Variants in STIM1 observed in about 807,000 individuals in gnomAD.
The protein encoded by STIM1 is stromal interaction molecule 1.
In STIM1, 25 loss-of-function variants were observed where a neutral mutation model predicts 74.7. The ratio of observed to expected loss-of-function variants is 0.33; its 90% CI spans 0.24 to 0.47. The LOEUF is 0.47. Ranked by LOEUF, STIM1 falls within the 20% of genes least tolerant of loss-of-function variation. STIM1 has a pLI of 1.00. For synonymous variants in STIM1, 328 were observed against 348.8 expected, an observed-to-expected ratio of 0.94 and a Z score of 0.66; for missense variants, 728 against 920.8, an observed-to-expected ratio of 0.79 and a Z score of 2.71.
In STIM1 at chr11:3,869,258, C is replaced by T. The variant is rs921556840; in HGVS notation, c.139+12849C>T. Among the ~76,000 whole-genome samples, 89 of 152,318 alleles carry T rather than the reference C, an allele frequency of 5.8e-4. 1 individual carries two copies. The highest frequency in any genetic ancestry group is 1.3e-4 in the Admixed American group (2 of 15,300). The stretch of plus-strand genomic sequence containing the variant: ...TGCTAGGTTTATAGGCGTGAGCCAC[C>T]GCACCTGGCCTGAGTACTATTCTTT... On this transcript the variant is annotated intron_variant, in intron 1 of 12. Coordinates refer to ENST00000526596, the MANE Select transcript of STIM1 (RefSeq NM_001382567.1).
chr11:3,908,819 G>A (rs540927171), intron 1 of STIM1, among the ~76,000 whole-genome samples: 12 of 152,230 alleles, frequency 7.9e-5, no homozygotes, highest in Admixed American at 2.6e-4. Flanking sequence ...TTCCTGAACT[G>A]GACATTGCTC....
At chr11:4,052,276 C>CA (rs1565160966) in intron 3 of STIM1, among the ~76,000 whole-genome samples, 1 of 151,980 alleles carries the variant, frequency 6.6e-6, no homozygotes, top group South Asian at 2.1e-4. Flanking sequence ...CATATGGAAC[C>CA]AAAAAAGAGC....
At chr11:3,878,435 G>C (rs2091376771) in intron 1 of STIM1, among the ~76,000 whole-genome samples, 1 of 152,018 alleles carries the variant, frequency 6.6e-6, no homozygotes, top group Non-Finnish European at 1.5e-5. Context: ...TTTATCATGT[G>C]CCTGAAAAGC....
At position 3,976,520 on chromosome 11, in the gene STIM1, G is replaced by T. The variant is rs185883160; in HGVS notation, c.270+8838G>T. Among the ~76,000 whole-genome samples the T allele has an allele frequency of 2.0e-5, 3 of 152,260 alleles. No homozygotes were observed. The East Asian group carries it at 5.8e-4, about 29-fold the overall frequency. ...TGTATTAAAACTCATGGAACTATGC[G>T]CCAAAAAGTTAAATTTCATCATATG... On this transcript the variant is annotated intron_variant, in intron 2 of 12. Transcript: ENST00000526596.
intron 2 of STIM1, among the ~76,000 whole-genome samples, chr11:4,012,601 T>A (rs961037044): frequency 2.0e-5 from 3 of 152,356 alleles, no homozygotes; most frequent in African/African-American, 7.2e-5. Context: ...CTGAAGTTGC[T>A]TATCAGTTTA....
chr11:3,964,266 T>C (rs1435038256), intron 1 of STIM1, among the ~76,000 whole-genome samples: 3 of 152,214 alleles, frequency 2.0e-5, no homozygotes, highest in Non-Finnish European at 4.4e-5. Context: ...CTTGCCAGAT[T>C]GGAATGCGTA....
chr11:3,994,285 C>G (rs573927168), intron 2 of STIM1, among the ~76,000 whole-genome samples: 4 of 152,244 alleles, frequency 2.6e-5, no homozygotes, highest in Non-Finnish European at 5.9e-5. Context: ...TGCTTTCAAA[C>G]TTTCTCATTG....
intron 1 of STIM1, among the ~76,000 whole-genome samples, chr11:3,901,498 C>G (rs16929674): frequency 0.031 from 4,782 of 152,224 alleles, 252 homozygotes; most frequent in African/African-American, 0.11. Context: ...CTTTAGTTGA[C>G]AAGGTACCTC....
intron 1 of STIM1, among the ~76,000 whole-genome samples, chr11:3,906,233 T>C (rs1012798984): frequency 6.6e-6 from 1 of 152,222 alleles, no homozygotes; most frequent in Non-Finnish European, 1.5e-5. Flanking sequence ...TATTTTTATT[T>C]GAGTTGAATA....
At chr11:4,041,424 C>G (rs982098582) in intron 3 of STIM1, among the ~76,000 whole-genome samples, 1 of 152,036 alleles carries the variant, frequency 6.6e-6, no homozygotes, top group African/African-American at 2.4e-5. Context: ...ATTTTTTTTA[C>G]ACTTATAGTA....
chr11:3,997,074 G>C (rs2093669492), intron 2 of STIM1, among the ~76,000 whole-genome samples: 1 of 152,210 alleles, frequency 6.6e-6, no homozygotes, highest in East Asian at 1.9e-4. Flanking sequence ...GGAGATGTTA[G>C]AGTTTCTCTG....
At chr11:3,963,712 G>C (rs1025057584) in intron 1 of STIM1, among the ~76,000 whole-genome samples, 3 of 152,206 alleles carry the variant, frequency 2.0e-5, no homozygotes, top group Non-Finnish European at 2.9e-5. Context: ...ATCCCTTATG[G>C]AGATCACAGT....
chr11:3,891,276 A>T (rs1377860647), intron 1 of STIM1, among the ~76,000 whole-genome samples: 1 of 150,650 alleles, frequency 6.6e-6, no homozygotes, highest in Non-Finnish European at 1.5e-5. Flanking sequence ...TGTTTTAAAT[A>T]AAAAAAATTT....
At chr11:4,032,091 C>T (rs531810667) in intron 3 of STIM1, among the ~76,000 whole-genome samples, 12 of 152,200 alleles carry the variant, frequency 7.9e-5, no homozygotes, top group African/African-American at 1.4e-4. Flanking sequence ...TGTGCTTACA[C>T]GTGGTCCCAA....
chr11:4,000,014 C>G (rs908402224), intron 2 of STIM1, among the ~76,000 whole-genome samples: 1 of 151,972 alleles, frequency 6.6e-6, no homozygotes, highest in South Asian at 2.1e-4. Flanking sequence ...AACTGCAAGG[C>G]GGCAGCGAGG....
At chr11:3,861,784 A>G (rs916160967) in intron 1 of STIM1, among the ~76,000 whole-genome samples, 10 of 152,280 alleles carry the variant, frequency 6.6e-5, no homozygotes, top group East Asian at 5.8e-4. Context: ...AATTCTATCT[A>G]TGGGCCCCTT....
intron 2 of STIM1, among the ~76,000 whole-genome samples, chr11:4,012,310 T>G (rs190192698): frequency 0.02 from 2,976 of 152,344 alleles, 40 homozygotes; most frequent in Non-Finnish European, 0.03. Context: ...TAAATTACCT[T>G]GGGCAGTGTG....
intron 1 of STIM1, among the ~76,000 whole-genome samples, chr11:3,941,504 C>T (rs765172039): frequency 6.6e-6 from 1 of 151,526 alleles, no homozygotes; most frequent in Non-Finnish European, 1.5e-5. Context: ...ACTTGGGCAG[C>T]CTTGTCAAAT....
intron 1 of STIM1, among the ~76,000 whole-genome samples, chr11:3,942,869 A>G (rs1034570642): frequency 1.3e-5 from 2 of 152,092 alleles, no homozygotes; most frequent in African/African-American, 4.8e-5. Flanking sequence ...GGCAGGAAGT[A>G]AGTGTTTGAG....
Sources: gnomAD v4.1 joint callset for allele counts (sites outside exome capture counted in the v4.1 genomes callset) on GRCh38, gnomAD v4.1.1 for gene constraint, MANE v1.5 for transcripts, NCBI Gene and HGNC (gene_info 2026-07-23, HGNC 2026-07-21) for gene names.